Variants in CACNA2D1 observed in about 807,000 individuals in gnomAD.
CACNA2D1 encodes voltage-dependent calcium channel subunit alpha-2/delta-1.
A neutral mutation model predicts 171.5 loss-of-function variants in CACNA2D1; 53 were observed. The observed-to-expected ratio is 0.31, with a 90% confidence interval of 0.25 to 0.39. The LOEUF (loss-of-function observed/expected upper bound fraction) is 0.39, where lower values mean the gene tolerates loss of function less well. Ranked by LOEUF, CACNA2D1 falls within the 10% of genes least tolerant of loss-of-function variation. CACNA2D1 has a pLI of 1.00. For synonymous variants in CACNA2D1, 442 were observed against 443.1 expected (o/e 1.00, Z 0.03); for missense variants, 903 against 1,299.8 (o/e 0.69, Z 4.69).
intron 3 of CACNA2D1, among the ~76,000 whole-genome samples, chr7:82,214,274 C>A (rs931843847): frequency 1.3e-5 from 2 of 152,126 alleles, no homozygotes; most frequent in African/African-American, 4.8e-5. Context: ...TCCGAGAAAG[C>A]CTTTCTTAAT....
At chr7:82,031,087 T>A (rs1391358249) in intron 12 of CACNA2D1, among the ~76,000 whole-genome samples, 3 of 151,918 alleles carry the variant, frequency 2.0e-5, no homozygotes, top group African/African-American at 7.2e-5. Flanking sequence ...TGCCTAAAGT[T>A]CACAGTTAAA....
chr7:82,411,753 C>T (rs957979973), intron 1 of CACNA2D1, among the ~76,000 whole-genome samples: 1 of 151,978 alleles, frequency 6.6e-6, no homozygotes, highest in Admixed American at 6.6e-5. Flanking sequence ...ACTGGAGACA[C>T]TTCTGCATTT....
chr7:81,960,455 C>CAACACAGACATGGACAGAAT (rs1277243851), intron 36 of CACNA2D1, among the ~76,000 whole-genome samples: 1 of 152,018 alleles, frequency 6.6e-6, no homozygotes, highest in African/African-American at 2.4e-5. Flanking sequence ...CTGCACTGGG[C>CAACACAGACATGGACAGAAT]AACACAGACA....
At chr7:82,418,143 T>A (rs1473748747) in intron 1 of CACNA2D1, among the ~76,000 whole-genome samples, 1 of 152,186 alleles carries the variant, frequency 6.6e-6, no homozygotes, top group Non-Finnish European at 1.5e-5. Context: ...CTTCTTCACA[T>A]GGCAGCAGGA....
chr7:82,416,339 T>C (rs1298232507), intron 1 of CACNA2D1, among the ~76,000 whole-genome samples: 1 of 152,202 alleles, frequency 6.6e-6, no homozygotes, highest in African/African-American at 2.4e-5. Flanking sequence ...AGTGATGTCA[T>C]GAGCATCCCA....
chr7:81,963,355 C>CA (rs964566934), intron 34 of CACNA2D1, among the ~76,000 whole-genome samples: 21 of 149,466 alleles, frequency 1.4e-4, no homozygotes, highest in South Asian at 6.4e-4. Flanking sequence ...TGTGATGATA[C>CA]AAAAAAAAAG....
chr7:82,351,812 A>T (rs1461524887), intron 1 of CACNA2D1, among the ~76,000 whole-genome samples: 1 of 152,132 alleles, frequency 6.6e-6, no homozygotes, highest in Non-Finnish European at 1.5e-5. Flanking sequence ...TGATCCAGTA[A>T]TTTCCTAATT....
At chr7:82,106,968 C>T (rs558466899) in intron 6 of CACNA2D1, among the ~76,000 whole-genome samples, 7 of 152,170 alleles carry the variant, frequency 4.6e-5, no homozygotes, top group African/African-American at 1.7e-4. Flanking sequence ...TCTTAACTCA[C>T]TGAATGTCCT....
chr7:82,300,613 G>A (rs1372265766), intron 3 of CACNA2D1, among the ~76,000 whole-genome samples: 6 of 152,024 alleles, frequency 3.9e-5, no homozygotes, highest in South Asian at 2.1e-4. Flanking sequence ...GTTTAAACAC[G>A]TCAACCATGT....
intron 1 of CACNA2D1, among the ~76,000 whole-genome samples, chr7:82,351,825 G>A (rs942517409): frequency 3.9e-5 from 6 of 152,058 alleles, no homozygotes; most frequent in African/African-American, 1.4e-4. Context: ...TCCTAATTTA[G>A]ATGAGACTAT....
chr7:82,057,339 C>A (rs1806039705), intron 10 of CACNA2D1, among the ~76,000 whole-genome samples: 1 of 151,932 alleles, frequency 6.6e-6, no homozygotes, highest in Non-Finnish European at 1.5e-5. Context: ...TAGGAAAGTC[C>A]CCTCTTACTA....
chr7:82,126,073 T>C (rs900586428), intron 5 of CACNA2D1, among the ~76,000 whole-genome samples: 2 of 152,230 alleles, frequency 1.3e-5, no homozygotes, highest in East Asian at 3.9e-4. Context: ...GTTTTATATG[T>C]GTTAATCTAA....
chr7:82,414,489 A>G (rs1486160011), intron 1 of CACNA2D1, among the ~76,000 whole-genome samples: 1 of 152,228 alleles, frequency 6.6e-6, no homozygotes, highest in East Asian at 1.9e-4. Context: ...AATAGTGGGA[A>G]GACCTACTAA....
Position 82,011,936 on chromosome 7 carries a change from T to G in CACNA2D1, c.1362+218A>C, listed in dbSNP as rs149430790. ...CTACATTCCCAATGAAGGGATCAAG[T>G]AGACAATAAGCTAACACTTTGCATT... On this transcript the variant is annotated intron_variant, in intron 15 of 38. Coordinates refer to ENST00000356860, the MANE Select transcript of CACNA2D1 (RefSeq NM_000722.4). 2.2e-5 allele frequency: 11 copies of G among 498,442 alleles called. No homozygotes were observed. The East Asian group carries it at 3.7e-4, about 17-fold the overall frequency. 30.9% of individuals were successfully genotyped at this position (498,442 alleles called of 1,614,324 possible).
At chr7:82,222,869 A>G (rs1417445252) in intron 3 of CACNA2D1, among the ~76,000 whole-genome samples, 2 of 149,098 alleles carry the variant, frequency 1.3e-5, no homozygotes, top group African/African-American at 4.9e-5. Flanking sequence ...CCAGAATATT[A>G]TATCTTTAGC....
chr7:82,292,002 C>A (rs1811700985), intron 3 of CACNA2D1, among the ~76,000 whole-genome samples: 1 of 129,384 alleles, frequency 7.7e-6, no homozygotes, highest in African/African-American at 3.4e-5. Flanking sequence ...CACATGCACG[C>A]ACACACACAC....
chr7:82,217,858 A>C (rs1801322813), intron 3 of CACNA2D1, among the ~76,000 whole-genome samples: 1 of 151,038 alleles, frequency 6.6e-6, no homozygotes, highest in Admixed American at 6.6e-5. Context: ...CATGTACTGA[A>C]ATTTTTTTTT....
intron 22 of CACNA2D1, among the ~76,000 whole-genome samples, chr7:81,983,552 TCTGTA>T (rs1282921432): frequency 8.5e-5 from 13 of 152,148 alleles, no homozygotes; most frequent in Admixed American, 7.2e-4. Context: ...GATTACCCTC[TCTGTA>T]CTGTGGTTAT....
At chr7:82,215,739 T>C (rs1023214210) in intron 3 of CACNA2D1, among the ~76,000 whole-genome samples, 1 of 152,190 alleles carries the variant, frequency 6.6e-6, no homozygotes, top group African/African-American at 2.4e-5. Context: ...TATTTCTTAT[T>C]GACCGTGATT....
Sources: allele counts gnomAD v4.1 joint callset (sites outside exome capture counted in the v4.1 genomes callset), GRCh38; gene constraint gnomAD v4.1.1; transcripts MANE v1.5; gene names NCBI Gene and HGNC (gene_info 2026-07-23, HGNC 2026-07-21).